Variants in PTPRR observed in about 807,000 individuals in gnomAD.
PTPRR encodes the protein protein tyrosine phosphatase receptor type R.
PTPRR carries 38 observed loss-of-function variants against 77.2 expected under a neutral mutation model. The observed-to-expected ratio is 0.49, with a 90% CI of 0.38 to 0.65. The LOEUF is 0.65. Among genes scored for constraint, PTPRR ranks in the 30% least tolerant of loss-of-function variants. PTPRR has a pLI of 0.00. For synonymous variants in PTPRR, 299 were observed against 283.1 expected, an observed-to-expected ratio of 1.06 and a Z score of -0.57; for missense variants, 744 against 799.2, an observed-to-expected ratio of 0.93 and a Z score of 0.83.
At chr12:70,648,165 T>G (rs1444434173) in intron 13 of PTPRR, among the ~76,000 whole-genome samples, 1 of 152,188 alleles carries the variant, frequency 6.6e-6, no homozygotes, top group African/African-American at 2.4e-5. Context: ...GCCTTGGAGA[T>G]GTCCCCTTTT....
chr12:70,753,809 T>C (rs182882644), intron 5 of PTPRR, among the ~76,000 whole-genome samples: 2 of 152,284 alleles, frequency 1.3e-5, no homozygotes, highest in African/African-American at 2.4e-5. Flanking sequence ...CATATCTCTT[T>C]TTAAATTTTT....
At chr12:70,715,110 C>T (rs150686780) in intron 6 of PTPRR, among the ~76,000 whole-genome samples, 2,289 of 152,020 alleles carry the variant, frequency 0.015, 28 homozygotes, top group East Asian at 0.068. Context: ...CCCTAAGCAT[C>T]GGCTGGTTTG....
intron 10 of PTPRR, among the ~76,000 whole-genome samples, chr12:70,673,960 C>T (rs1887345892): frequency 6.6e-6 from 1 of 151,894 alleles, no homozygotes; most frequent in African/African-American, 2.4e-5. Context: ...AAGGCAGGGT[C>T]TCATTTTGTT....
chr12:70,874,977 A>T (rs1369628329), intron 2 of PTPRR, among the ~76,000 whole-genome samples: 1 of 152,130 alleles, frequency 6.6e-6, no homozygotes, highest in Admixed American at 6.6e-5. Flanking sequence ...GTTCCACAGA[A>T]ATAAAAGCAC....
chr12:70,679,171 A>G (rs1887562479), intron 10 of PTPRR, among the ~76,000 whole-genome samples: 2 of 152,144 alleles, frequency 1.3e-5, no homozygotes, highest in South Asian at 4.1e-4. Flanking sequence ...TAATGTCTTC[A>G]TTGATCCATT....
chr12:70,822,135 G>C (rs530554510), intron 2 of PTPRR, among the ~76,000 whole-genome samples: 1 of 152,306 alleles, frequency 6.6e-6, no homozygotes, highest in African/African-American at 2.4e-5. Flanking sequence ...CATGGTGTTG[G>C]ATGTTGCAGA....
At position 70,663,979 on chromosome 12, in the gene PTPRR, A is replaced by G. The variant is rs769269931; in HGVS notation, c.1498-1374T>C. 9.8e-5 allele frequency among the ~76,000 whole-genome samples: 15 copies of G among 152,374 alleles called. No homozygotes were observed. In the South Asian group the frequency reaches 1.2e-3, roughly 13 times the overall value. On this transcript the variant is annotated intron_variant, in intron 10 of 13. Transcript: ENST00000283228. Reference sequence around the variant, plus strand: ...AACTGAAGGAAAAGTGACACAAAGTATCAGAAACACACCTCCAGGGCTCTA... The same window carrying G: ...AACTGAAGGAAAAGTGACACAAAGTGTCAGAAACACACCTCCAGGGCTCTA...
chr12:70,886,171 G>A (rs1331369000), intron 2 of PTPRR, among the ~76,000 whole-genome samples: 1 of 152,150 alleles, frequency 6.6e-6, no homozygotes, highest in Non-Finnish European at 1.5e-5. Flanking sequence ...TAGAAATGGT[G>A]AAAAGCAACA....
chr12:70,682,192 C>T (rs933172373), intron 10 of PTPRR, among the ~76,000 whole-genome samples: 23 of 150,738 alleles, frequency 1.5e-4, no homozygotes, highest in African/African-American at 3.4e-4. Context: ...TACAGGCGCC[C>T]GCCACCACGC....
In PTPRR at chr12:70,761,463, C is replaced by T. The variant is rs750059876; in HGVS notation, c.627+8G>A. The T allele has an allele frequency of 1.3e-6, 2 of 1,575,704 alleles. No individual in the cohort carries two copies. The highest frequency in any genetic ancestry group is 2.7e-5 in the African/African-American group (2 of 73,564). ...TTTTTAAATGAATTGTTTCGTGCAA[C>T]AACATACCTCAGGAGAGACTTCTGT... On this transcript the variant is annotated splice_region_variant and intron_variant, in intron 4 of 13. Transcript: ENST00000283228.
chr12:70,800,011 G>C lies in PTPRR; in HGVS notation c.358-35233C>G, dbSNP rs17814476. On this transcript the variant is annotated intron_variant, in intron 2 of 13. Transcript: ENST00000283228. ...CCTAGACAGTTCTCGTCTCTTTGATGTTCAGTCTACCTATTTACCTGGAGG... is the reference window on the plus strand; with the variant it reads ...CCTAGACAGTTCTCGTCTCTTTGATCTTCAGTCTACCTATTTACCTGGAGG... Among the ~76,000 whole-genome samples, 1,232 of 152,258 alleles carry C rather than the reference G, an allele frequency of 8.1e-3. 7 individuals are homozygous for C. The highest frequency in any genetic ancestry group is 0.018 in the South Asian group (85 of 4,830).
At chr12:70,821,814 G>A (rs376576336) in intron 2 of PTPRR, among the ~76,000 whole-genome samples, 18 of 151,880 alleles carry the variant, frequency 1.2e-4, no homozygotes, top group African/African-American at 3.9e-4. Flanking sequence ...ACAGGCGCCC[G>A]CCACCACGCC....
intron 2 of PTPRR, among the ~76,000 whole-genome samples, chr12:70,833,068 C>T (rs560293480): frequency 9.9e-5 from 15 of 152,224 alleles, no homozygotes; most frequent in African/African-American, 3.6e-4. Flanking sequence ...AGGAATCTGC[C>T]CCCATGACCC....
intron 6 of PTPRR, among the ~76,000 whole-genome samples, chr12:70,741,476 T>A (rs1890044109): frequency 6.6e-6 from 1 of 152,184 alleles, no homozygotes; most frequent in African/African-American, 2.4e-5. Context: ...TGCCCCTCCC[T>A]GTATTCCTAC....
intron 2 of PTPRR, among the ~76,000 whole-genome samples, chr12:70,835,467 A>G (rs1412585832): frequency 6.6e-6 from 1 of 152,092 alleles, no homozygotes; most frequent in East Asian, 1.9e-4. Flanking sequence ...GAGCAGAGAG[A>G]TATGGCCTGA....
intron 1 of PTPRR, chr12:70,906,899 T>A (rs1893631271): frequency 6.6e-6 from 1 of 152,258 alleles, no homozygotes; most frequent in Admixed American, 6.5e-5. Flanking sequence ...GATAAACTTA[T>A]TAAAAGAACA....
intron 7 of PTPRR, among the ~76,000 whole-genome samples, chr12:70,699,624 T>C (rs1434919407): frequency 6.6e-6 from 1 of 152,206 alleles, no homozygotes; most frequent in African/African-American, 2.4e-5. Context: ...AAGTTACTTA[T>C]TTTTAAAATA....
chr12:70,754,679 G>T (rs777061137), intron 4 of PTPRR: 1 of 1,597,030 alleles, frequency 6.3e-7, no homozygotes, highest in Admixed American at 1.7e-5. Context: ...CACAACATCA[G>T]CACCCTGGAT....
chr12:70,868,668 C>T (rs1229699308), intron 2 of PTPRR, among the ~76,000 whole-genome samples: 4 of 151,898 alleles, frequency 2.6e-5, no homozygotes, highest in Non-Finnish European at 5.9e-5. Flanking sequence ...ACCATTTGAC[C>T]CAGCCATCCC....
Sources: gnomAD v4.1 joint callset for allele counts (sites outside exome capture counted in the v4.1 genomes callset) on GRCh38, gnomAD v4.1.1 for gene constraint, MANE v1.5 for transcripts, NCBI Gene and HGNC (gene_info 2026-07-23, HGNC 2026-07-21) for gene names.